A3GALT2: variants seen among roughly 807,000 people sequenced by gnomAD.
The protein encoded by A3GALT2 is alpha-1,3-galactosyltransferase 2.
In A3GALT2, 14 loss-of-function variants were observed where a neutral mutation model predicts 16.6. That is an observed-to-expected ratio of 0.84 (90% confidence interval 0.56 to 1.32). A3GALT2 has a LOEUF of 1.32. Ranked by LOEUF, A3GALT2 falls within the 40% of genes most tolerant of loss-of-function variation. The probability of loss-of-function intolerance (pLI) is 0.00; values close to 1 mark genes in which losing one functional copy is unlikely to be tolerated. For synonymous variants in A3GALT2, 253 were observed against 218.0 expected, an observed-to-expected ratio of 1.16 and a Z score of -1.42; for missense variants, 600 against 490.9, an observed-to-expected ratio of 1.22 and a Z score of -2.10.
At chr1:33,312,728 C>T (rs1646240721) in intron 2 of A3GALT2, 79 bp downstream of exon 2, 1 of 1,466,822 alleles carries the variant, frequency 6.8e-7, no homozygotes, top group African/African-American at 1.4e-5. Context: ...GCCCTCCATC[C>T]CTCAAGGAGG....
At chr1:33,311,090 A>G (rs1404836249) in intron 4 of A3GALT2, among the ~76,000 whole-genome samples, 1 of 152,002 alleles carries the variant, frequency 6.6e-6, no homozygotes, top group African/African-American at 2.4e-5. Context: ...GGCTCTCACC[A>G]CCTTCCCAAA....
chr1:33,306,932 G>T lies in A3GALT2; in HGVS notation c.857C>A (p.Ala286Glu). ...LDWDRARGLE[A>E]RWHDESHLNK... ...GAGGTGGCTCTCGTCGTGCCAGCGC[G>T]CCTCCAGGCCGCGCGCGCGGTCCCA... Residue 286 changes from alanine (A) to glutamate (E), a missense_variant, in exon 5 of 5, where the codon GCG (alanine) becomes GAG (glutamate). Ala to Glu is a moderately radical substitution (Grantham distance 107, BLOSUM62 -1). Transcript: ENST00000442999. The T allele has an allele frequency of 6.6e-7, 1 of 1,514,368 alleles. No homozygotes were observed. Among genetic ancestry groups the T allele is most frequent in the Non-Finnish European group, 8.8e-7 (1 of 1,137,652 alleles). The allele number at this position is 1,514,368 out of a possible 1,614,324, so 93.8% of individuals were successfully genotyped here.
In A3GALT2 at chr1:33,309,669, T is replaced by C. The variant is rs564527140; in HGVS notation, c.336-2216A>G. Among the ~76,000 whole-genome samples the C allele has an allele frequency of 3.3e-3, 416 of 125,700 alleles. 1 individual carries two copies. Among genetic ancestry groups the C allele is most frequent in the African/African-American group, 0.013 (397 of 31,542 alleles). The allele number at this position is 125,700 out of a possible 152,430, so 82.5% of individuals were successfully genotyped here. A position where few individuals can be genotyped will look rare whatever the true frequency, so the allele number is the denominator to read the frequency against. Reference sequence around the variant, plus strand: ...ACGCTCCTCAGTTCCCAGACGGGGGTCACGGCCAGGCAGAGGCACTCCTCA... The same window carrying C: ...ACGCTCCTCAGTTCCCAGACGGGGGCCACGGCCAGGCAGAGGCACTCCTCA... On this transcript the variant is annotated intron_variant, in intron 4 of 4. Transcript: ENST00000442999.
At chr1:33,307,549 C>CT in intron 4 of A3GALT2, 96 bp from the exon 5 acceptor site, 1 of 1,006,400 alleles carries the variant, frequency 9.9e-7, no homozygotes, top group Non-Finnish European at 1.3e-6. Context: ...ACCCTCACCC[C>CT]CACTCCCACC....
At chr1:33,310,406 T>G (rs998159268) in intron 4 of A3GALT2, among the ~76,000 whole-genome samples, 9 of 152,236 alleles carry the variant, frequency 5.9e-5, no homozygotes, top group Non-Finnish European at 8.8e-5. Context: ...GCTATAATAA[T>G]AAGTTGTTTT....
rs1467021835 is a variant in A3GALT2 at position 33,320,527 on chromosome 1, G to A, written c.23+549C>T. On this transcript the variant is annotated intron_variant, in intron 1 of 4. Transcript: ENST00000442999. The surrounding 1 kb of genome is among the most constrained non-coding windows in gnomAD (Gnocchi z 4.3). The stretch of plus-strand genomic sequence containing the variant: ...CTATGCCCCAGCCTGGGAGCCCGTG[G>A]TCTGTGGAGGCCCCTGATCAGTCCA... Among the ~76,000 whole-genome samples, 2 of 151,994 alleles carry A rather than the reference G, an allele frequency of 1.3e-5. No individual in the cohort carries two copies. The highest frequency in any genetic ancestry group is 2.9e-5 in the Non-Finnish European group (2 of 68,034).
At position 33,307,055 on chromosome 1, in the gene A3GALT2, G is replaced by A. The variant is rs1646197299; in HGVS notation, c.734C>T (p.Ala245Val). Residue 245 changes from alanine (A) to valine (V), a missense_variant, in exon 5 of 5, where the codon GCG becomes GTG. Physicochemically the swap from Ala to Val is moderately conservative, Grantham distance 64. Transcript: ENST00000442999. ...GTTATAGAAGTCGCCCTGGCCCCAC[G>A]CCATCGCGGCGGCCGAATGCGCGTC... ...ERDAHSAAAM[A>V]WGQGDFYNHA... 2 of 1,512,250 alleles carry A rather than the reference G, an allele frequency of 1.3e-6. No individual in the cohort carries two copies. The highest frequency in any genetic ancestry group is 1.4e-5 in the African/African-American group (1 of 69,724). The allele number at this position is 1,512,250 out of a possible 1,614,324, so 93.7% of individuals were successfully genotyped here.
At chr1:33,315,253 G>A (rs1199028602) in intron 1 of A3GALT2, among the ~76,000 whole-genome samples, 2 of 152,092 alleles carry the variant, frequency 1.3e-5, no homozygotes, top group African/African-American at 4.8e-5. Context: ...GTGGTGGCAC[G>A]CGTCGGTAGT....
intron 4 of A3GALT2, 57 bp from the exon 5 acceptor site, chr1:33,307,510 C>CCACCTCATCT: frequency 2.2e-6 from 3 of 1,386,386 alleles, no homozygotes; most frequent in Non-Finnish European, 2.8e-6. Context: ...CCCGGCCTCC[C>CCACCTCATCT]CACCTCATCT....
At chr1:33,309,599 CAG>C (rs1212759683) in intron 4 of A3GALT2, among the ~76,000 whole-genome samples, 1 of 146,698 alleles carries the variant, frequency 6.8e-6, no homozygotes, top group African/African-American at 2.6e-5. Flanking sequence ...GGCGGCCGGG[CAG>C]AGACACTCCT....
chr1:33,312,816 G>A lies in A3GALT2; in HGVS notation c.98C>T (p.Pro33Leu), dbSNP rs1356624606. The change falls in exon 2 of 5, where the codon CCT becomes CTT. Residue 33 changes from proline to leucine, a missense_variant. Pro to Leu is a moderately conservative substitution (Grantham distance 98). Coordinates refer to ENST00000442999, the MANE Select transcript of A3GALT2 (RefSeq NM_001080438.1). ...GLLGLFLYGLPKFRHLEALIP... is the reference protein window; with the variant it reads ...GLLGLFLYGLLKFRHLEALIP... ...GGAAAGGGGCTTTTACCTGAATTTA[G>A]GGAGGCCATACAGAAACAGGCCTAA... 1 of 1,601,022 alleles carries A rather than the reference G, an allele frequency of 6.2e-7. No individual in the cohort carries two copies. The highest frequency in any genetic ancestry group is 1.7e-5 in the Admixed American group (1 of 57,766).
intron 4 of A3GALT2, among the ~76,000 whole-genome samples, chr1:33,310,335 C>T (rs116112518): frequency 0.017 from 2,601 of 150,754 alleles, 69 homozygotes; most frequent in African/African-American, 0.059. Context: ...AGAGGGAGAC[C>T]GGGGAGAGGG....
Position 33,312,162 on chromosome 1 carries a change from G to A in A3GALT2, c.225C>T (p.Thr75=), listed in dbSNP as rs1331963837. 1 of 1,613,520 alleles carries A rather than the reference G, an allele frequency of 6.2e-7. No homozygotes were observed. Among genetic ancestry groups the A allele is most frequent in the South Asian group, 1.1e-5 (1 of 91,036 alleles). ...CCCAAATAATGGGAGCCCCCCAGGG[G>A]GTACAGGTCAGAACTTCAGGCCGGG... The part of the protein sequence containing the change: ...PWARPEVLTC[T]PWGAPIIWDG... Residue 75 remains threonine (T), a synonymous_variant, in exon 4 of 5, where the codon ACC becomes ACT. Transcript: ENST00000442999.
chr1:33,319,427 G>A (rs1030114101), intron 1 of A3GALT2, among the ~76,000 whole-genome samples: 1 of 152,210 alleles, frequency 6.6e-6, no homozygotes, highest in African/African-American at 2.4e-5. Context: ...CCTCTGCAAG[G>A]CTGGGCGGCC....
intron 4 of A3GALT2, 124 bp from the exon 5 acceptor site, chr1:33,307,577 C>T (rs1252036722): frequency 3.4e-6 from 2 of 580,566 alleles, no homozygotes; most frequent in South Asian, 3.8e-5. Flanking sequence ...CACCCCCACT[C>T]CCACCCCACC....
At position 33,307,188 on chromosome 1, in the gene A3GALT2, C is replaced by T; in HGVS notation, c.601G>A (p.Asp201Asn). 6.5e-7 allele frequency: 1 copy of T among 1,547,326 alleles called. No homozygotes were observed. ...EAHFMFCMDV[D>N]QHFSGTFGPE... ...CCAAAAGTGCCGCTGAAGTGCTGGT[C>T]CACGTCCATGCAGAACATGAAGTGC... is the stretch of plus-strand genomic sequence containing the variant. The change falls in exon 5 of 5, where the codon GAC becomes AAC. Residue 201 changes from aspartate (D) to asparagine (N), a missense_variant. Coordinates refer to ENST00000442999, the MANE Select transcript of A3GALT2 (RefSeq NM_001080438.1).
In A3GALT2 at chr1:33,307,472, C is replaced by G. The variant is rs1646201259; in HGVS notation, c.336-19G>C. On this transcript the variant is annotated intron_variant, in intron 4 of 4. Coordinates refer to ENST00000442999, the MANE Select transcript of A3GALT2 (RefSeq NM_001080438.1). ...CAGGTATCTAAGGGCGCGGCGCCAC[C>G]GTCAGCCTGAGAGTGAAGCGAGGCG... 6.8e-7 allele frequency: 1 copy of G among 1,469,120 alleles called. No homozygotes were observed. Among genetic ancestry groups the G allele is most frequent in the Non-Finnish European group, 8.9e-7 (1 of 1,118,410 alleles). 91.0% of individuals were successfully genotyped at this position (1,469,120 alleles called of 1,614,324 possible). A position where few individuals can be genotyped will look rare whatever the true frequency, so the allele number is the denominator to read the frequency against.
intron 4 of A3GALT2, 36 bp downstream of exon 4, chr1:33,312,016 A>T: frequency 6.2e-7 from 1 of 1,612,068 alleles, no homozygotes; most frequent in Non-Finnish European, 8.5e-7. Context: ...TCCCACTCAC[A>T]GCTTTGACAG....
chr1:33,318,309 T>C (rs1168753841), intron 1 of A3GALT2, among the ~76,000 whole-genome samples: 1 of 152,170 alleles, frequency 6.6e-6, no homozygotes, highest in Non-Finnish European at 1.5e-5. Flanking sequence ...ACAAATAATT[T>C]AATGCCCCAC....
Sources: gnomAD v4.1 joint callset for allele counts (sites outside exome capture counted in the v4.1 genomes callset) on GRCh38, gnomAD v4.1.1 for gene constraint, Gnocchi (gnomAD v3.1) non-coding constraint, MANE v1.5 for transcripts, NCBI Gene and HGNC (gene_info 2026-07-23, HGNC 2026-07-21) for gene names.